The following PARM1 variants were observed in gnomAD, a reference collection of about 807,000 sequenced individuals.
The protein encoded by PARM1 is prostate androgen-regulated mucin-like protein 1.
PARM1 carries 14 observed loss-of-function variants against 24.6 expected under a neutral mutation model. The ratio of observed to expected loss-of-function variants is 0.57; its 90% CI spans 0.38 to 0.89. The LOEUF is 0.89. Among genes scored for constraint, PARM1 ranks in the 40% least tolerant of loss-of-function variants. PARM1 has a pLI of 0.00. For missense variants in PARM1, 362 were observed against 380.4 expected, an observed-to-expected ratio of 0.95 and a Z score of 0.40; for synonymous variants, 179 against 156.6, an observed-to-expected ratio of 1.14 and a Z score of -1.07.
intron 2 of PARM1, among the ~76,000 whole-genome samples, chr4:75,019,973 G>A (rs1348097527): frequency 3.9e-5 from 5 of 127,858 alleles, no homozygotes; most frequent in African/African-American, 5.7e-5. Flanking sequence ...ACTGCAGTCC[G>A]CAGTCCGGCC....
intron 1 of PARM1, among the ~76,000 whole-genome samples, chr4:74,960,253 G>A (rs1721740354): frequency 6.6e-6 from 1 of 152,196 alleles, no homozygotes; most frequent in Admixed American, 6.5e-5. Context: ...GGTAAAGCAA[G>A]TTCCAAAAGA....
chr4:75,027,686 A>G (rs887878599), intron 2 of PARM1, among the ~76,000 whole-genome samples: 6 of 152,328 alleles, frequency 3.9e-5, no homozygotes, highest in Non-Finnish European at 2.9e-5. Context: ...ACTAGAAACC[A>G]ATGACCTGAA....
intron 2 of PARM1, among the ~76,000 whole-genome samples, chr4:75,025,944 G>A (rs980665379): frequency 2.6e-5 from 4 of 152,136 alleles, no homozygotes; most frequent in Non-Finnish European, 5.9e-5. Flanking sequence ...CATTCCAGCC[G>A]TGATAATACT....
chr4:74,986,346 A>C (rs1048416393), intron 1 of PARM1, among the ~76,000 whole-genome samples: 7 of 152,206 alleles, frequency 4.6e-5, no homozygotes, highest in African/African-American at 1.7e-4. Flanking sequence ...AATTATACTC[A>C]AAGTGCTAAT....
At chr4:75,017,847 A>T (rs1434345416) in intron 2 of PARM1, among the ~76,000 whole-genome samples, 1 of 152,212 alleles carries the variant, frequency 6.6e-6, no homozygotes, top group African/African-American at 2.4e-5. Context: ...AAGTTATTAG[A>T]TCTCCCTGAG....
intron 1 of PARM1, among the ~76,000 whole-genome samples, chr4:74,974,212 C>T (rs1268849936): frequency 6.6e-6 from 1 of 152,212 alleles, no homozygotes; most frequent in Admixed American, 6.5e-5. Flanking sequence ...GGAGGGCAAA[C>T]TACTTTACTG....
intron 1 of PARM1, among the ~76,000 whole-genome samples, chr4:74,958,936 G>A (rs1408164762): frequency 6.6e-6 from 1 of 152,102 alleles, no homozygotes; most frequent in Admixed American, 6.5e-5. Flanking sequence ...CATAAATAAT[G>A]TTCACATTAG....
At chr4:74,975,376 C>T (rs1385526908) in intron 1 of PARM1, among the ~76,000 whole-genome samples, 1 of 152,138 alleles carries the variant, frequency 6.6e-6, no homozygotes, top group East Asian at 1.9e-4. Context: ...ATGTGAAGCT[C>T]CACCTAGAAG....
At chr4:75,019,360 A>G (rs956769860) in intron 2 of PARM1, among the ~76,000 whole-genome samples, 2 of 152,218 alleles carry the variant, frequency 1.3e-5, no homozygotes, top group African/African-American at 4.8e-5. Flanking sequence ...TTAAAATTAT[A>G]GTTACTGTGC....
At chr4:74,943,638 A>T (rs1721355533) in intron 1 of PARM1, among the ~76,000 whole-genome samples, 1 of 152,208 alleles carries the variant, frequency 6.6e-6, no homozygotes, top group African/African-American at 2.4e-5. Flanking sequence ...CATAGACATC[A>T]TTTAAAAATA....
chr4:74,993,455 T>G (rs1722516182), intron 1 of PARM1, among the ~76,000 whole-genome samples: 1 of 152,170 alleles, frequency 6.6e-6, no homozygotes. Flanking sequence ...TGCTCCCAGT[T>G]CAAATTCCTG....
chr4:74,942,516 C>T (rs6846434), intron 1 of PARM1, among the ~76,000 whole-genome samples: 10,603 of 152,294 alleles, frequency 0.07, 424 homozygotes, highest in Non-Finnish European at 0.087. Flanking sequence ...TTATCTAAAG[C>T]CTTCTCCATA....
At chr4:74,978,317 G>A (rs892499260) in intron 1 of PARM1, among the ~76,000 whole-genome samples, 5 of 152,036 alleles carry the variant, frequency 3.3e-5, no homozygotes, top group African/African-American at 1.2e-4. Context: ...GGCTACAAGT[G>A]TAGTTTCAGA....
At chr4:74,956,241 T>G (rs1721630823) in intron 1 of PARM1, 1 of 152,204 alleles carries the variant, frequency 6.6e-6, no homozygotes. Flanking sequence ...CTGATCTCAT[T>G]ACTCCAAGTT....
chr4:75,040,908 C>G (rs530927886), intron 3 of PARM1, among the ~76,000 whole-genome samples: 20 of 152,272 alleles, frequency 1.3e-4, no homozygotes, highest in Admixed American at 9.2e-4. Context: ...GTCATCTCCT[C>G]TATGTGTCTG....
Position 74,933,224 on chromosome 4 carries a change from G to T in PARM1, c.-104G>T. 3 of 989,530 alleles carry T rather than the reference G, an allele frequency of 3.0e-6. No individual in the cohort carries two copies. The highest frequency in any genetic ancestry group is 2.0e-5 in the Admixed American group (1 of 50,148). The allele number at this position is 989,530 out of a possible 1,614,324, so 61.3% of individuals were successfully genotyped here. A position where few individuals can be genotyped will look rare whatever the true frequency, so the allele number is the denominator to read the frequency against. On this transcript the variant is annotated 5_prime_UTR_variant, in exon 1 of 4. Coordinates refer to ENST00000307428, the MANE Select transcript of PARM1 (RefSeq NM_015393.4). ...CTGTTCGCGCCTCCCGGCTCCCACC[G>T]CAGCCCACCCGGCAGAGGAGTCGCT...
chr4:74,999,940 A>T (rs1313316771), intron 1 of PARM1, among the ~76,000 whole-genome samples: 2 of 151,800 alleles, frequency 1.3e-5, no homozygotes, highest in African/African-American at 4.8e-5. Context: ...AAACACAATC[A>T]TATTTATCTG....
Position 75,039,510 on chromosome 4 carries a change from C to T in PARM1, c.848+5549C>T, listed in dbSNP as rs149350486. The stretch of plus-strand genomic sequence containing the variant: ...AATCGCACCACTGCACTTCAGCCTG[C>T]GTGACACAGCGAGAAAAAAAAATAA... On this transcript the variant is annotated intron_variant, in intron 3 of 3. Transcript: ENST00000307428. 1.0e-3 allele frequency among the ~76,000 whole-genome samples: 157 copies of T among 151,942 alleles called. 1 individual carries two copies. The highest frequency in any genetic ancestry group is 3.5e-3 in the African/African-American group (146 of 41,430).
intron 1 of PARM1, among the ~76,000 whole-genome samples, chr4:74,940,499 G>C (rs1448619061): frequency 1.3e-5 from 2 of 152,226 alleles, no homozygotes; most frequent in Non-Finnish European, 2.9e-5. Context: ...GGTGGAAGGG[G>C]TAAGGCAGCC....
Sources: allele counts gnomAD v4.1 joint callset (sites outside exome capture counted in the v4.1 genomes callset), GRCh38; gene constraint gnomAD v4.1.1; transcripts MANE v1.5; gene names NCBI Gene and HGNC (gene_info 2026-07-23, HGNC 2026-07-21).